The following SLC16A5 variants were observed in gnomAD, a reference collection of about 807,000 sequenced individuals.
SLC16A5 encodes the protein monocarboxylate transporter 6.
In SLC16A5, 29 loss-of-function variants were observed where a neutral mutation model predicts 33.2. That is an observed-to-expected ratio of 0.87 (90% CI 0.65 to 1.19). SLC16A5 has a LOEUF of 1.19. Among genes scored for constraint, SLC16A5 ranks in the 50% most tolerant of loss-of-function variants. The probability of loss-of-function intolerance (pLI) is 0.00; values close to 1 mark genes in which losing one functional copy is unlikely to be tolerated. For missense variants in SLC16A5, 606 were observed against 678.2 expected (o/e 0.89, Z 1.18); for synonymous variants, 248 against 284.1 (o/e 0.87, Z 1.28).
chr17:75,101,292 G>T (rs1207572193), intron 5 of SLC16A5, among the ~76,000 whole-genome samples: 2 of 149,774 alleles, frequency 1.3e-5, no homozygotes, highest in African/African-American at 4.9e-5. Flanking sequence ...CAGGTGCGGT[G>T]GCTCACGCCT....
At chr17:75,093,178 T>G in intron 2 of SLC16A5, 4 of 525,808 alleles carry the variant, frequency 7.6e-6, no homozygotes, top group Non-Finnish European at 3.4e-6. Flanking sequence ...CTTGGGTGCA[T>G]TTGGGGGGCG....
Position 75,094,982 on chromosome 17 carries a change from G to C in SLC16A5, c.199+1147G>C, listed in dbSNP as rs2073696900. Among the ~76,000 whole-genome samples, 7 of 152,318 alleles carry C rather than the reference G, an allele frequency of 4.6e-5. No individual in the cohort carries two copies. In the South Asian group the frequency reaches 1.5e-3, roughly 32 times the overall value. ...TCAGCTCCTGGGAGCTCTCCAGGGA[G>C]ACTGCAGAGACCCCGGCCTCGGAGG... On this transcript the variant is annotated intron_variant, in intron 3 of 6. Coordinates refer to ENST00000329783, the MANE Select transcript of SLC16A5 (RefSeq NM_004695.4).
intron 2 of SLC16A5, among the ~76,000 whole-genome samples, chr17:75,092,443 G>A (rs926003588): frequency 6.7e-6 from 1 of 150,252 alleles, no homozygotes; most frequent in Non-Finnish European, 1.5e-5. Context: ...TGCAACCTCC[G>A]CCTCCTGGGT....
chr17:75,088,597 G>C (rs2073599038), intron 1 of SLC16A5, among the ~76,000 whole-genome samples: 1 of 151,986 alleles, frequency 6.6e-6, no homozygotes, highest in Non-Finnish European at 1.5e-5. Context: ...TGCTGGACGG[G>C]AGCCCTTCTG....
At position 75,106,014 on chromosome 17, in the gene SLC16A5, GCTGGAATAGCCCTAC is replaced by G. The variant is rs2073859278; in HGVS notation, c.1503_1517del (p.Trp501_Thr505del). The G allele has an allele frequency of 5.7e-6, 9 of 1,578,882 alleles. No individual in the cohort carries two copies. Among genetic ancestry groups the G allele is most frequent in the Non-Finnish European group, 7.8e-6 (9 of 1,157,082 alleles). ...CTGCAGGCCAAGCAAACGGCTCTGG[GCTGGAATAGCCCTAC>G]CTGAGTGCCCTGTTTGACTCCGCCA... On this transcript the variant is annotated inframe_deletion, in exon 7 of 7. Coordinates refer to ENST00000329783, the MANE Select transcript of SLC16A5 (RefSeq NM_004695.4).
At chr17:75,108,472 G>GGTGA (rs1206204979), downstream of SLC16A5, among the ~76,000 whole-genome samples, 1 of 152,208 alleles carries the variant, frequency 6.6e-6, no homozygotes, top group East Asian at 1.9e-4. Context: ...AAACCTCAGA[G>GGTGA]GTGAGGCCTG....
downstream of SLC16A5, among the ~76,000 whole-genome samples, chr17:75,107,681 G>A (rs1243101979): frequency 2.0e-5 from 3 of 152,226 alleles, no homozygotes; most frequent in African/African-American, 7.2e-5. Context: ...GCTCACGCCT[G>A]TAATCCCAGC....
rs138452930 is a variant in SLC16A5 at position 75,093,581 on chromosome 17, CT to C, written c.-48-7del. ...TGACCACCAGGCTCCATTCTGTCCC[CT>C]CCCCAGGCAGCAGCCACATTGGCAG... On this transcript the variant is annotated splice_polypyrimidine_tract_variant and splice_region_variant and intron_variant, in intron 2 of 6. Transcript: ENST00000329783. 40,694 of 1,569,600 alleles carry C rather than the reference CT, an allele frequency of 0.026. 594 individuals carry two copies. The highest frequency in any genetic ancestry group is 0.032 in the Non-Finnish European group (36,845 of 1,163,078).
chr17:75,109,674 G>A (rs1351597785), downstream of SLC16A5, among the ~76,000 whole-genome samples: 1 of 152,212 alleles, frequency 6.6e-6, no homozygotes, highest in Admixed American at 6.5e-5. This position sits in a 1 kb window ranked among gnomAD's most constrained non-coding sequence, Gnocchi z 5.0. Context: ...AAAGCCGAGC[G>A]AGGCCCTCAC....
chr17:75,095,477 CATTTT>C (rs1459057594), intron 3 of SLC16A5, among the ~76,000 whole-genome samples: 1 of 152,126 alleles, frequency 6.6e-6, no homozygotes, highest in East Asian at 1.9e-4. Flanking sequence ...GTACTGTAGA[CATTTT>C]ATTTTATGTT....
At chr17:75,095,754 G>C (rs931846279) in intron 3 of SLC16A5, among the ~76,000 whole-genome samples, 1 of 151,840 alleles carries the variant, frequency 6.6e-6, no homozygotes, top group African/African-American at 2.4e-5. Context: ...CCGCCTTCCA[G>C]GTTCAAGCGA....
At chr17:75,088,403 A>C (rs1320644742) in intron 1 of SLC16A5, among the ~76,000 whole-genome samples, 1 of 152,160 alleles carries the variant, frequency 6.6e-6, no homozygotes, top group Non-Finnish European at 1.5e-5. Context: ...AGAGTACGGC[A>C]TGAGGTCCCA....
At chr17:75,106,807 T>C (rs2073867962), downstream of SLC16A5, among the ~76,000 whole-genome samples, 2 of 151,350 alleles carry the variant, frequency 1.3e-5, no homozygotes, top group Admixed American at 1.3e-4. Context: ...AGGCAGGAAA[T>C]TTGCTTGAAC....
In SLC16A5 at chr17:75,100,710, CT is replaced by C. The variant is rs1568008176; in HGVS notation, c.1049del (p.Phe350SerfsTer161). 6.2e-7 allele frequency: 1 copy of C among 1,614,224 alleles called. No homozygotes were observed. On this transcript the variant is annotated frameshift_variant, in exon 5 of 7. Transcript: ENST00000329783. LOFTEE classifies it high-confidence loss of function. ...CCATGAGTGGCATCGGCGCCCTCAT[CT>C]TCCAGGTTCTCATGGACATCGTCCC... ...VSMSGIGALIFQVLMDIVPMD... is the reference protein window; with the variant it reads ...VSMSGIGALIXQVLMDIVPMD...
chr17:75,093,734 G>C lies in SLC16A5; in HGVS notation c.98G>C (p.Cys33Ser). 1 of 1,614,184 alleles carries C rather than the reference G, an allele frequency of 6.2e-7. No individual in the cohort carries two copies. Among genetic ancestry groups the C allele is most frequent in the South Asian group, 1.1e-5 (1 of 91,090 alleles). ...TQGLTLGFPT[C>S]IGIFFTELQW... Reference sequence around the variant, plus strand: ...GGCCTCACCCTGGGCTTCCCCACGTGTATCGGCATCTTCTTCACTGAATTG... The same window carrying C: ...GGCCTCACCCTGGGCTTCCCCACGTCTATCGGCATCTTCTTCACTGAATTG... Residue 33 changes from cysteine (C) to serine (S), a missense_variant, in exon 3 of 7, where the codon TGT becomes TCT. Coordinates refer to ENST00000329783, the MANE Select transcript of SLC16A5 (RefSeq NM_004695.4).
chr17:75,102,415 AT>A (rs773489212), intron 5 of SLC16A5, among the ~76,000 whole-genome samples: 45 of 152,032 alleles, frequency 3.0e-4, no homozygotes, highest in Non-Finnish European at 2.2e-4. Flanking sequence ...CTCGAAAAAA[AT>A]AAAAGGTCCC....
intron 6 of SLC16A5, chr17:75,104,498 C>A: frequency 1.9e-6 from 2 of 1,070,366 alleles, no homozygotes; most frequent in South Asian, 4.7e-5. Flanking sequence ...CGGCTCACTG[C>A]AACCTCTGCC....
At chr17:75,104,375 G>A (rs118143893) in intron 6 of SLC16A5, 195 bp downstream of exon 6, 24,147 of 1,417,540 alleles carry the variant, frequency 0.017, 258 homozygotes, top group Non-Finnish European at 0.019. Flanking sequence ...CCAGGAGCTG[G>A]GACTTTGGAG....
At chr17:75,102,290 C>T (rs558314422) in intron 5 of SLC16A5, among the ~76,000 whole-genome samples, 76 of 152,272 alleles carry the variant, frequency 5.0e-4, no homozygotes, top group Non-Finnish European at 7.6e-4. Context: ...CGTCTATAAT[C>T]CCAGTTACTT....
Sources: allele counts gnomAD v4.1 joint callset (sites outside exome capture counted in the v4.1 genomes callset), GRCh38; gene constraint gnomAD v4.1.1; non-coding constraint Gnocchi (gnomAD v3.1); transcripts MANE v1.5; gene names NCBI Gene and HGNC (gene_info 2026-07-23, HGNC 2026-07-21).